LARP4B: variants seen among roughly 807,000 people sequenced by gnomAD.
LARP4B encodes la-related protein 4B.
LARP4B carries 12 observed loss-of-function variants against 89.8 expected under a neutral mutation model. That is an observed-to-expected ratio of 0.13 (90% CI 0.09 to 0.22). The LOEUF (loss-of-function observed/expected upper bound fraction) is 0.22, where lower values mean the gene tolerates loss of function less well. Ranked by LOEUF, LARP4B falls within the 10% of genes least tolerant of loss-of-function variation. The pLI is 1.00. For synonymous variants in LARP4B, 367 were observed against 363.3 expected (o/e 1.01, Z -0.12); for missense variants, 757 against 947.7 (o/e 0.80, Z 2.64).
At chr10:845,637 A>G (rs1427432654) in intron 5 of LARP4B, among the ~76,000 whole-genome samples, 1 of 152,232 alleles carries the variant, frequency 6.6e-6, no homozygotes, top group South Asian at 2.1e-4. Flanking sequence ...AGCTGGTTCT[A>G]AATCCTGGAA....
the LARP4B span, among the ~76,000 whole-genome samples, chr10:962,298 CAAAAAAAAAAAAA>C: frequency 1.7e-5 from 1 of 60,602 alleles, no homozygotes; most frequent in Non-Finnish European, 3.5e-5. Flanking sequence ...ACTCCATCTC[CAAAAAAAAAAAAA>C]AAAAAAAAAG....
intron 1 of LARP4B, among the ~76,000 whole-genome samples, chr10:922,512 G>A (rs1018525841): frequency 1.3e-5 from 2 of 152,058 alleles, no homozygotes; most frequent in African/African-American, 4.8e-5. Context: ...CCAGGAGACT[G>A]AGGCCAGCCT....
At chr10:921,516 G>C (rs948722918) in intron 1 of LARP4B, among the ~76,000 whole-genome samples, 26 of 152,070 alleles carry the variant, frequency 1.7e-4, no homozygotes, top group Admixed American at 1.0e-3. Context: ...ACGCGGGGAG[G>C]GGGAGGACTA....
At chr10:864,913 A>G (rs1013095342) in intron 3 of LARP4B, among the ~76,000 whole-genome samples, 2 of 152,208 alleles carry the variant, frequency 1.3e-5, no homozygotes, top group African/African-American at 4.8e-5. Flanking sequence ...AGATCGCACC[A>G]CTGCACCCAA....
intron 3 of LARP4B, among the ~76,000 whole-genome samples, chr10:867,172 T>C (rs1245993806): frequency 6.6e-6 from 1 of 152,192 alleles, no homozygotes; most frequent in Admixed American, 6.5e-5. Context: ...GTTCAATCAA[T>C]GCTGTGACTG....
At chr10:974,863 A>C in the LARP4B span, among the ~76,000 whole-genome samples, 1 of 152,256 alleles carries the variant, frequency 6.6e-6, no homozygotes, top group Non-Finnish European at 1.5e-5. Context: ...ACTGTTGCAC[A>C]GACGCTCAAG....
chr10:923,270 T>A (rs150843040), intron 1 of LARP4B, among the ~76,000 whole-genome samples: 24 of 152,298 alleles, frequency 1.6e-4, no homozygotes, highest in African/African-American at 5.3e-4. Flanking sequence ...TAGCTTCCCA[T>A]AGGGACTTCA....
the LARP4B span, among the ~76,000 whole-genome samples, chr10:938,533 G>A: frequency 7.2e-5 from 11 of 152,306 alleles, no homozygotes; most frequent in Middle Eastern, 3.4e-3. Context: ...GATTACAGGC[G>A]TGAGCCACCG....
the LARP4B span, among the ~76,000 whole-genome samples, chr10:981,577 GT>G: frequency 6.6e-6 from 1 of 151,574 alleles, no homozygotes; most frequent in Non-Finnish European, 1.5e-5. Context: ...TTTTTGTTTC[GT>G]TTTGTTTTTT....
chr10:864,107 G>C lies in LARP4B; in HGVS notation c.289+16C>G, dbSNP rs770119643. 2 of 1,613,902 alleles carry C rather than the reference G, an allele frequency of 1.2e-6. No individual in the cohort carries two copies. The highest frequency in any genetic ancestry group is 2.7e-5 in the African/African-American group (2 of 74,932). ...TGAAAGCAGGGGGCTGCACACCACG[G>C]CCATGCTCAACTTACCCTGCGGGCC... On this transcript the variant is annotated intron_variant, in intron 4 of 17. Coordinates refer to ENST00000316157, the MANE Select transcript of LARP4B (RefSeq NM_015155.3).
the LARP4B span, among the ~76,000 whole-genome samples, chr10:970,232 T>G: frequency 2.6e-5 from 4 of 152,158 alleles, no homozygotes; most frequent in East Asian, 7.7e-4. Flanking sequence ...GACCAATGAG[T>G]AGAAGGTTCT....
chr10:864,384 T>C, intron 3 of LARP4B, 114 bp from the exon 4 acceptor site: 1 of 916,060 alleles, frequency 1.1e-6, no homozygotes, highest in Non-Finnish European at 1.7e-6. Context: ...TCAGCCTATG[T>C]ATTTATACAC....
the LARP4B span, among the ~76,000 whole-genome samples, chr10:982,666 C>A: frequency 2.6e-5 from 4 of 152,328 alleles, no homozygotes; most frequent in African/African-American, 7.2e-5. Flanking sequence ...ATCACATGGC[C>A]TTCCTAGTAC....
intron 8 of LARP4B, among the ~76,000 whole-genome samples, chr10:833,653 A>G (rs1833046609): frequency 6.6e-6 from 1 of 152,212 alleles, no homozygotes; most frequent in South Asian, 2.1e-4. Flanking sequence ...GCACTTTGGG[A>G]GGCCGAGGAG....
chr10:813,019 G>A lies in LARP4B; in HGVS notation c.2124C>T (p.Asp708=). Residue 708 remains aspartate (D), a synonymous_variant, in exon 18 of 18, where the codon GAC becomes GAT. Transcript: ENST00000316157. ...GCCGGCCCCCCGCCGGCCGCCTCTG[G>A]TCTCTGGGGGCTCCAGGTGTGGACT... is the stretch of plus-strand genomic sequence containing the variant. ...ALKSTPGAPR[D]QRRPAGGRPS... 6.2e-7 allele frequency: 1 copy of A among 1,607,438 alleles called. No homozygotes were observed. The highest frequency in any genetic ancestry group is 8.5e-7 in the Non-Finnish European group (1 of 1,178,592).
intron 3 of LARP4B, among the ~76,000 whole-genome samples, chr10:869,785 G>A (rs1427959796): frequency 2.6e-5 from 4 of 151,806 alleles, no homozygotes; most frequent in African/African-American, 4.8e-5. Context: ...TCGGGAGGCT[G>A]AGTCACGAGA....
At chr10:978,599 T>C in the LARP4B span, among the ~76,000 whole-genome samples, 1 of 152,300 alleles carries the variant, frequency 6.6e-6, no homozygotes, top group South Asian at 2.1e-4. Context: ...GGATACTTAA[T>C]TTACCAAGTC....
intron 1 of LARP4B, among the ~76,000 whole-genome samples, chr10:921,402 G>A (rs1836975072): frequency 1.3e-5 from 2 of 152,130 alleles, no homozygotes; most frequent in Admixed American, 1.3e-4. Flanking sequence ...CTAGTCTACA[G>A]TTATTTATGT....
chr10:946,117 A>G, the LARP4B span, among the ~76,000 whole-genome samples: 1 of 151,946 alleles, frequency 6.6e-6, no homozygotes, highest in South Asian at 2.1e-4. Flanking sequence ...GCCAGGAAAA[A>G]CTCAATTACA....
Sources: gnomAD v4.1 joint callset for allele counts (sites outside exome capture counted in the v4.1 genomes callset) on GRCh38, gnomAD v4.1.1 for gene constraint, MANE v1.5 for transcripts, NCBI Gene and HGNC (gene_info 2026-07-23, HGNC 2026-07-21) for gene names.